RORA: variants seen among roughly 807,000 people sequenced by gnomAD.
RORA encodes the protein RAR related orphan receptor A.
A neutral mutation model predicts 69.5 loss-of-function variants in RORA; 7 were observed. The ratio of observed to expected loss-of-function variants is 0.10; its 90% CI spans 0.06 to 0.19. RORA has a LOEUF of 0.19. Ranked by LOEUF, RORA falls within the 10% of genes least tolerant of loss-of-function variation. The pLI is 1.00. For synonymous variants in RORA, 261 were observed against 240.8 expected (o/e 1.08, Z -0.78); for missense variants, 457 against 663.0 (o/e 0.69, Z 3.41).
At chr15:61,157,620 G>A (rs865924788) in intron 1 of RORA, among the ~76,000 whole-genome samples, 3 of 152,204 alleles carry the variant, frequency 2.0e-5, no homozygotes, top group South Asian at 2.1e-4. Flanking sequence ...CTGGCACAAC[G>A]AAAGGCACTG....
intron 1 of RORA, among the ~76,000 whole-genome samples, chr15:60,859,631 TTTTCTTTC>T (rs35809501): frequency 7.7e-6 from 1 of 130,406 alleles, no homozygotes; most frequent in Non-Finnish European, 1.6e-5. Context: ...CCCGGGTTTT[TTTTCTTTC>T]TTTCTTTCTT....
At chr15:60,848,713 T>A (rs1354727426) in intron 1 of RORA, 1 of 153,692 alleles carries the variant, frequency 6.5e-6, no homozygotes, top group Non-Finnish European at 1.4e-5. Flanking sequence ...AGCAGGTACG[T>A]CTTACGTGGT....
At chr15:60,912,731 G>A (rs1040629200) in intron 1 of RORA, among the ~76,000 whole-genome samples, 1 of 151,130 alleles carries the variant, frequency 6.6e-6, no homozygotes, top group Non-Finnish European at 1.5e-5. Context: ...TCCAGCCTGG[G>A]TGACAGAGCA....
At chr15:60,900,510 C>A (rs1891357396) in intron 1 of RORA, among the ~76,000 whole-genome samples, 1 of 152,184 alleles carries the variant, frequency 6.6e-6, no homozygotes, top group Admixed American at 6.5e-5. Context: ...ATACGGGACT[C>A]TTCACTTACT....
chr15:60,610,791 T>G (rs1338098037), intron 2 of RORA, among the ~76,000 whole-genome samples: 2 of 152,110 alleles, frequency 1.3e-5, no homozygotes, highest in Non-Finnish European at 2.9e-5. Context: ...TTTAGGACTG[T>G]GTCCAATCCA....
chr15:60,516,542 A>G (rs1217902637), intron 3 of RORA, among the ~76,000 whole-genome samples: 1 of 151,934 alleles, frequency 6.6e-6, no homozygotes, highest in Non-Finnish European at 1.5e-5. Context: ...AGTTGTGAAG[A>G]TAGATGACCC....
chr15:60,592,352 A>G (rs1265017759), intron 2 of RORA: 5 of 1,363,418 alleles, frequency 3.7e-6, no homozygotes, highest in Non-Finnish European at 4.8e-6. Context: ...CGGAGCCGCC[A>G]GCCCACCCGG....
At chr15:60,903,645 A>G (rs1891452146) in intron 1 of RORA, among the ~76,000 whole-genome samples, 1 of 152,212 alleles carries the variant, frequency 6.6e-6, no homozygotes, top group Admixed American at 6.5e-5. Flanking sequence ...GCAATTTTAC[A>G]CCGTGCTAGC....
chr15:60,493,378 C>G lies in RORA; in HGVS notation c.*4077G>C, dbSNP rs1163300035. 6.6e-6 allele frequency: 1 copy of G among 152,086 alleles called. No individual in the cohort carries two copies. The highest frequency in any genetic ancestry group is 1.5e-5 in the Non-Finnish European group (1 of 68,014). 9.4% of individuals were successfully genotyped at this position (152,086 alleles called of 1,614,324 possible). On this transcript the variant is annotated 3_prime_UTR_variant, in exon 11 of 11. Coordinates refer to ENST00000335670, the MANE Select transcript of RORA (RefSeq NM_134261.3). ...TCCCTGAGGGATCAAGGTACACCCG[C>G]AAGTGCTCTATGTACATATTGCACT...
intron 1 of RORA, among the ~76,000 whole-genome samples, chr15:60,840,203 G>GA (rs1250744839): frequency 6.6e-6 from 1 of 152,176 alleles, no homozygotes; most frequent in Non-Finnish European, 1.5e-5. Flanking sequence ...GGTTTCCTTT[G>GA]ACAGCCTGTT....
intron 1 of RORA, among the ~76,000 whole-genome samples, chr15:61,011,482 T>A (rs1031322000): frequency 1.3e-5 from 2 of 152,142 alleles, no homozygotes; most frequent in Non-Finnish European, 2.9e-5. Flanking sequence ...GTGAGCATAG[T>A]TGGCTTGAAA....
At chr15:60,710,379 T>A (rs184677265) in intron 1 of RORA, among the ~76,000 whole-genome samples, 10 of 152,182 alleles carry the variant, frequency 6.6e-5, no homozygotes, top group Admixed American at 6.5e-4. Flanking sequence ...TCTCAGCTAC[T>A]TGGGCAGCTG....
chr15:60,760,049 G>T (rs970622012), intron 1 of RORA, among the ~76,000 whole-genome samples: 3 of 151,844 alleles, frequency 2.0e-5, no homozygotes, highest in African/African-American at 7.2e-5. Context: ...TAAATTTGAA[G>T]CCCCTGAATA....
At chr15:60,698,855 T>G (rs2070943117) in intron 1 of RORA, among the ~76,000 whole-genome samples, 1 of 152,118 alleles carries the variant, frequency 6.6e-6, no homozygotes, top group Non-Finnish European at 1.5e-5. Flanking sequence ...TTTATGATGT[T>G]GTTTTGTCTG....
intron 1 of RORA, among the ~76,000 whole-genome samples, chr15:61,076,821 T>A (rs561038256): frequency 3.3e-5 from 5 of 151,956 alleles, no homozygotes; most frequent in African/African-American, 1.2e-4. Flanking sequence ...CAGAAATGGG[T>A]TTAAATGTGG....
rs1555435946 is a variant in RORA at position 60,597,551 on chromosome 15, C to CACACACAACAT, written c.197-65701_197-65700insATGTTGTGTGT. Reference sequence around the variant, plus strand: ...CACACACACACACACACACACACAACATATATATATATATATATATATACA... The same window carrying CACACACAACAT: ...CACACACACACACACACACACACAACACACACAACATATATATATATATATATATATATACA... On this transcript the variant is annotated intron_variant, in intron 2 of 10. Transcript: ENST00000335670. 1.0e-3 allele frequency among the ~76,000 whole-genome samples: 26 copies of CACACACAACAT among 25,126 alleles called. 1 individual carries two copies. The highest frequency in any genetic ancestry group is 1.6e-3 in the Non-Finnish European group (22 of 13,592). 16.5% of individuals were successfully genotyped at this position (25,126 alleles called of 152,430 possible).
intron 8 of RORA, among the ~76,000 whole-genome samples, chr15:60,502,118 C>G (rs1460438108): frequency 2.0e-5 from 3 of 152,080 alleles, no homozygotes; most frequent in Admixed American, 6.5e-5. Context: ...GTAGCTGGGA[C>G]TACAGGCGTG....
At chr15:60,962,997 T>C (rs1417191086) in intron 1 of RORA, among the ~76,000 whole-genome samples, 1 of 152,150 alleles carries the variant, frequency 6.6e-6, no homozygotes, top group East Asian at 1.9e-4. Flanking sequence ...TCAAGGGAAA[T>C]AGCTTAAGTA....
intron 1 of RORA, among the ~76,000 whole-genome samples, chr15:60,798,117 A>G (rs924671483): frequency 6.6e-6 from 1 of 151,032 alleles, no homozygotes; most frequent in East Asian, 2.0e-4. Flanking sequence ...TCACTAAATT[A>G]ATTATTATAC....
Sources: allele counts gnomAD v4.1 joint callset (sites outside exome capture counted in the v4.1 genomes callset), GRCh38; gene constraint gnomAD v4.1.1; transcripts MANE v1.5; gene names NCBI Gene and HGNC (gene_info 2026-07-23, HGNC 2026-07-21).